Variants in NOL6 observed in about 807,000 individuals in gnomAD.
NOL6 encodes the protein nucleolar RNA-associated protein.
A neutral mutation model predicts 131.7 loss-of-function variants in NOL6; 33 were observed. The observed-to-expected ratio is 0.25, with a 90% CI of 0.19 to 0.33. The LOEUF (loss-of-function observed/expected upper bound fraction) is 0.33. Among genes scored for constraint, NOL6 ranks in the 10% least tolerant of loss-of-function variants. The pLI is 1.00. For missense variants in NOL6, 1,297 were observed against 1,494.5 expected, an observed-to-expected ratio of 0.87 and a Z score of 2.18; for synonymous variants, 580 against 605.7, an observed-to-expected ratio of 0.96 and a Z score of 0.62.
At chr9:33,462,934 A>C in intron 25 of NOL6, 99 bp downstream of exon 25, 3 of 1,541,994 alleles carry the variant, frequency 1.9e-6, no homozygotes, top group Non-Finnish European at 2.7e-6. Flanking sequence ...TCCGCACCTG[A>C]CACGGGTTTG....
chr9:33,464,588 C>T lies in NOL6; in HGVS notation c.2779+291G>A, dbSNP rs147887295. ...GTATCTGTGCTACACTTCCTAGCTC[C>T]GTGCCCTAATACTTCTTACGTGGTA... On this transcript the variant is annotated intron_variant, in intron 21 of 25. Transcript: ENST00000297990. Among the ~76,000 whole-genome samples the T allele has an allele frequency of 7.9e-5, 12 of 152,234 alleles. No individual in the cohort carries two copies. The East Asian group carries it at 1.9e-3, about 24-fold the overall frequency.
At chr9:33,473,683 C>G in intron 1 of NOL6, 106 bp downstream of exon 1, 2 of 1,339,458 alleles carry the variant, frequency 1.5e-6, no homozygotes, top group Non-Finnish European at 2.1e-6. Context: ...CAGAATGGGC[C>G]GCCGGCATGG....
At position 33,468,332 on chromosome 9, in the gene NOL6, T is replaced by C. The variant is rs755498131; in HGVS notation, c.1297A>G (p.Thr433Ala). 20 of 1,613,654 alleles carry C rather than the reference T, an allele frequency of 1.2e-5. No individual in the cohort carries two copies. Among genetic ancestry groups the C allele is most frequent in the Non-Finnish European group, 1.7e-5 (20 of 1,179,848 alleles). Residue 433 changes from threonine (T) to alanine (A), a missense_variant, in exon 10 of 26, where the codon ACT becomes GCT. Coordinates refer to ENST00000297990, the MANE Select transcript of NOL6 (RefSeq NM_022917.5). Reference protein sequence around the residue: ...LNLCADVTASTYHQVQHEARL... With the variant: ...LNLCADVTASAYHQVQHEARL... ...GGGCCCATTGGTACCTGGTGGTAAG[T>C]AGAGGCAGTGACATCAGCACAGAGG...
chr9:33,472,155 C>CAA, intron 2 of NOL6, 35 bp from the exon 3 acceptor site: 26 of 1,613,234 alleles, frequency 1.6e-5, no homozygotes, highest in Non-Finnish European at 2.1e-5. Context: ...CCATCAGCCT[C>CAA]AGGGTCCCAG....
At position 33,463,923 on chromosome 9, in the gene NOL6, G is replaced by A; in HGVS notation, c.2905-3C>T. The A allele has an allele frequency of 1.1e-5, 18 of 1,614,166 alleles. No individual in the cohort carries two copies. Among genetic ancestry groups the A allele is most frequent in the Non-Finnish European group, 1.5e-5 (18 of 1,180,024 alleles). On this transcript the variant is annotated splice_region_variant and splice_polypyrimidine_tract_variant and intron_variant, in intron 22 of 25. Transcript: ENST00000297990. Reference sequence around the variant, plus strand: ...AGGACCACAAGCTGCTGCAGGATCTGCGGGGTACAGACACATCAGACTGGA... The same window carrying A: ...AGGACCACAAGCTGCTGCAGGATCTACGGGGTACAGACACATCAGACTGGA...
chr9:33,469,004 C>T lies in NOL6; in HGVS notation c.980G>A (p.Gly327Asp). Residue 327 changes from glycine (G) to aspartate (D), a missense_variant, in exon 7 of 26, where the codon GGC becomes GAC. By Grantham distance (94) the Gly-to-Asp change is moderately conservative. Coordinates refer to ENST00000297990, the MANE Select transcript of NOL6 (RefSeq NM_022917.5). ...ILSSAQGLKD[G>D]VALLKVWLRQ... Reference sequence around the variant, plus strand: ...CAGCCAGACCTTCAGAAGTGCCACGCCATCCTTCAGGCCCTGGGCTGAACT... The same window carrying T: ...CAGCCAGACCTTCAGAAGTGCCACGTCATCCTTCAGGCCCTGGGCTGAACT... 2 of 1,614,178 alleles carry T rather than the reference C, an allele frequency of 1.2e-6. No individual in the cohort carries two copies. The highest frequency in any genetic ancestry group is 1.7e-6 in the Non-Finnish European group (2 of 1,180,018).
chr9:33,465,618 A>G, intron 19 of NOL6, 116 bp downstream of exon 19: 1 of 1,213,234 alleles, frequency 8.2e-7, no homozygotes, highest in African/African-American at 1.5e-5. Context: ...CTGACTCCAG[A>G]ACTCATACCC....
intron 18 of NOL6, 30 bp from the exon 19 acceptor site, chr9:33,465,927 ATG>A (rs751074648): frequency 3.4e-4 from 553 of 1,607,504 alleles, no homozygotes; most frequent in Admixed American, 5.5e-4. Flanking sequence ...AAAGAGAAGG[ATG>A]TGTCAGCCCA....
chr9:33,465,070 G>T, intron 20 of NOL6, 94 bp from the exon 21 acceptor site: 1 of 1,419,976 alleles, frequency 7.0e-7, no homozygotes, highest in Non-Finnish European at 9.8e-7. Context: ...GGTGTGGATT[G>T]GCAGGGCAGG....
Position 33,462,625 on chromosome 9 carries a change from T to TG in NOL6, c.*38dup. The TG allele has an allele frequency of 6.2e-7, 1 of 1,609,174 alleles. No individual in the cohort carries two copies. The highest frequency in any genetic ancestry group is 8.5e-7 in the Non-Finnish European group (1 of 1,176,450). On this transcript the variant is annotated 3_prime_UTR_variant, in exon 26 of 26. Coordinates refer to ENST00000297990, the MANE Select transcript of NOL6 (RefSeq NM_022917.5). ...CTGACATCTTGCTCTAGAGGTCCAATGTCCTGCTGTCCGTCTACAGCTTGC... is the reference window on the plus strand; with the variant it reads ...CTGACATCTTGCTCTAGAGGTCCAATGGTCCTGCTGTCCGTCTACAGCTTGC...
Position 33,466,595 on chromosome 9 carries a change from C to T in NOL6, c.2065G>A (p.Ala689Thr). Residue 689 changes from alanine (A) to threonine (T), a missense_variant, in exon 16 of 26, where the codon GCT becomes ACT. Physicochemically the swap from Ala to Thr is moderately conservative, Grantham distance 58 (BLOSUM62 0). Coordinates refer to ENST00000297990, the MANE Select transcript of NOL6 (RefSeq NM_022917.5). The stretch of plus-strand genomic sequence containing the variant: ...TCTGTGTAGCGCAGCACTGGGTGAG[C>T]TCCCTGAACAGCAGACACGGTCAGT... ...LPLTVSAVQGAHPVLRYTEVF... is the reference protein window; with the variant it reads ...LPLTVSAVQGTHPVLRYTEVF... 1 of 1,614,134 alleles carries T rather than the reference C, an allele frequency of 6.2e-7. No individual in the cohort carries two copies. Among genetic ancestry groups the T allele is most frequent in the Non-Finnish European group, 8.5e-7 (1 of 1,180,032 alleles).
chr9:33,463,818 G>A lies in NOL6; in HGVS notation c.2994+13C>T, dbSNP rs1298354062. 6.2e-7 allele frequency: 1 copy of A among 1,613,606 alleles called. No homozygotes were observed. Among genetic ancestry groups the A allele is most frequent in the Non-Finnish European group, 8.5e-7 (1 of 1,179,680 alleles). ...CCCAGAGGCCCTGGAGTCACTGCTGGTCAGAAGCTTACCCTGATGTCCCCA... is the reference window on the plus strand; with the variant it reads ...CCCAGAGGCCCTGGAGTCACTGCTGATCAGAAGCTTACCCTGATGTCCCCA... On this transcript the variant is annotated intron_variant, in intron 23 of 25. Coordinates refer to ENST00000297990, the MANE Select transcript of NOL6 (RefSeq NM_022917.5).
At chr9:33,470,630 A>T (rs1827384983) in intron 3 of NOL6, 2 of 152,732 alleles carry the variant, frequency 1.3e-5, no homozygotes, top group African/African-American at 4.8e-5. Flanking sequence ...GCATGCAGTG[A>T]GCCGAGATCG....
At chr9:33,470,363 C>G (rs1339875264) in intron 3 of NOL6, 172 bp from the exon 4 acceptor site, 1 of 502,018 alleles carries the variant, frequency 2.0e-6, no homozygotes, top group Non-Finnish European at 3.3e-6. Context: ...CAAGCCAAAA[C>G]CACTTAAATC....
In NOL6 at chr9:33,466,669, C is replaced by G; in HGVS notation, c.1991G>C (p.Arg664Pro). Residue 664 changes from arginine to proline, a missense_variant, in exon 16 of 26, where the codon CGT (arginine) becomes CCT (proline). Transcript: ENST00000297990. ...TGEEALVAAVRCYDDLSRLLW... is the reference protein window; with the variant it reads ...TGEEALVAAVPCYDDLSRLLW... Reference sequence around the variant, plus strand: ...TAGGCGACTGAGGTCGTCGTAGCAACGTACCGCCGCTACCAGGGCCTCCTC... The same window carrying G: ...TAGGCGACTGAGGTCGTCGTAGCAAGGTACCGCCGCTACCAGGGCCTCCTC... 1 of 1,613,934 alleles carries G rather than the reference C, an allele frequency of 6.2e-7. No homozygotes were observed. The highest frequency in any genetic ancestry group is 8.5e-7 in the Non-Finnish European group (1 of 1,180,024).
chr9:33,470,316 A>G (rs1827374797), intron 3 of NOL6, 125 bp from the exon 4 acceptor site: 3 of 846,598 alleles, frequency 3.5e-6, no homozygotes, highest in Non-Finnish European at 5.0e-6. Flanking sequence ...TCCCATAACT[A>G]TGTCTTCCTT....
At position 33,469,209 on chromosome 9, in the gene NOL6, T is replaced by A; in HGVS notation, c.860A>T (p.Asp287Val). ...AWYRGQSPAGDGSPEPPTPRY... is the reference protein window; with the variant it reads ...AWYRGQSPAGVGSPEPPTPRY... The stretch of plus-strand genomic sequence containing the variant: ...CCTCAACACCAGGGCCTGCTCACCA[T>A]CCCCTGCAGGACTCTGCCCTCGGTA... Residue 287 changes from aspartate (D) to valine (V), a missense_variant and splice_region_variant, in exon 6 of 26, where the codon GAT becomes GTT. By Grantham distance (152) the Asp-to-Val change is radical. Transcript: ENST00000297990. The A allele has an allele frequency of 6.2e-7, 1 of 1,614,144 alleles. No homozygotes were observed. Among genetic ancestry groups the A allele is most frequent in the Non-Finnish European group, 8.5e-7 (1 of 1,180,018 alleles).
chr9:33,465,576 G>C (rs1827216604), intron 19 of NOL6, among the ~76,000 whole-genome samples, 158 bp downstream of exon 19: 1 of 152,242 alleles, frequency 6.6e-6, no homozygotes, highest in African/African-American at 2.4e-5. Flanking sequence ...GTCACAGTCA[G>C]TAAGTGGCAG....
intron 23 of NOL6, 52 bp downstream of exon 23, chr9:33,463,779 C>A (rs1587214668): frequency 6.3e-7 from 1 of 1,588,278 alleles, no homozygotes; most frequent in Non-Finnish European, 8.6e-7. Flanking sequence ...CGCTGAACTT[C>A]CAAAGACAGA....
Sources: gnomAD v4.1 joint callset for allele counts (sites outside exome capture counted in the v4.1 genomes callset) on GRCh38, gnomAD v4.1.1 for gene constraint, MANE v1.5 for transcripts, NCBI Gene and HGNC (gene_info 2026-07-23, HGNC 2026-07-21) for gene names.